PDLIM3: variants seen among roughly 807,000 people sequenced by gnomAD.
PDLIM3 encodes PDZ and LIM domain 3, also known as PDZ and LIM domain protein 3.
A neutral mutation model predicts 37.3 loss-of-function variants in PDLIM3; 36 were observed. The ratio of observed to expected loss-of-function variants is 0.97; its 90% CI spans 0.74 to 1.28. PDLIM3 has a LOEUF of 1.28. Ranked by LOEUF, PDLIM3 falls within the 50% of genes most tolerant of loss-of-function variation. The pLI, the probability that PDLIM3 is intolerant of heterozygous loss-of-function variation, is 0.00. For missense variants in PDLIM3, 454 were observed against 485.0 expected (o/e 0.94, Z 0.60); for synonymous variants, 174 against 182.4 (o/e 0.95, Z 0.37).
chr4:185,529,885 A>G (rs1168627313), intron 1 of PDLIM3, among the ~76,000 whole-genome samples: 2 of 152,190 alleles, frequency 1.3e-5, no homozygotes, highest in African/African-American at 4.8e-5. Context: ...GCCTCGCTCT[A>G]TAGCTCAGAA....
rs185289091 is a variant in PDLIM3, at chr4:185,515,159, C to A, written c.331-822G>T. On this transcript the variant is annotated intron_variant, in intron 3 of 7. Transcript: ENST00000284767. ...ATTTAAACATTGCACCTCTTATCTG[C>A]CCCTGACTTCTTCATCTATAGCTTT... 4.6e-3 allele frequency: 1,106 copies of A among 240,548 alleles called. 8 individuals carry two copies. Among genetic ancestry groups the A allele is most frequent in the African/African-American group, 0.022 (989 of 44,300 alleles). 14.9% of individuals were successfully genotyped at this position (240,548 alleles called of 1,614,324 possible).
chr4:185,513,767 G>T, intron 4 of PDLIM3: 1 of 1,031,258 alleles, frequency 9.7e-7, no homozygotes. Flanking sequence ...TTCCCCTTAG[G>T]TTGGAGTTCA....
In PDLIM3 at chr4:185,514,269, C is replaced by T; in HGVS notation, c.398+1G>A. ...AACTCCACAGTCTCAGCGCTTATGA[C>T]CTGCTTCGGCCCGGGATCACGAAAG... On this transcript the variant is annotated splice_donor_variant, in intron 4 of 7. Coordinates refer to ENST00000284767, the MANE Select transcript of PDLIM3 (RefSeq NM_014476.6). LOFTEE classifies it high-confidence loss of function. This position sits in a 1 kb window ranked among gnomAD's most constrained non-coding sequence, Gnocchi z 4.0. 1 of 1,614,196 alleles carries T rather than the reference C, an allele frequency of 6.2e-7. No individual in the cohort carries two copies. Among genetic ancestry groups the T allele is most frequent in the Non-Finnish European group, 8.5e-7 (1 of 1,180,040 alleles).
intron 1 of PDLIM3, among the ~76,000 whole-genome samples, chr4:185,527,739 A>G (rs1412458899): frequency 6.6e-6 from 1 of 152,216 alleles, no homozygotes; most frequent in Non-Finnish European, 1.5e-5. Flanking sequence ...GTCTAAGACT[A>G]GAATAATTTT....
chr4:185,527,530 G>A (rs2095736402), intron 1 of PDLIM3, among the ~76,000 whole-genome samples: 2 of 152,150 alleles, frequency 1.3e-5, no homozygotes, highest in South Asian at 2.1e-4. Flanking sequence ...ATAGAAGCTG[G>A]GTGAAGACAA....
Position 185,523,454 on chromosome 4 carries a change from T to G in PDLIM3, c.246-8A>C. 2 of 1,558,870 alleles carry G rather than the reference T, an allele frequency of 1.3e-6. No individual in the cohort carries two copies. The highest frequency in any genetic ancestry group is 1.1e-5 in the South Asian group (1 of 89,336). ...CATAAGTGAGTTTCTCCCCTGGAAA[T>G]AAAATAAAATTTGTAAACTTCAAAT... On this transcript the variant is annotated splice_region_variant and splice_polypyrimidine_tract_variant and intron_variant, in intron 2 of 7. Coordinates refer to ENST00000284767, the MANE Select transcript of PDLIM3 (RefSeq NM_014476.6).
At position 185,514,841 on chromosome 4, in the gene PDLIM3, A is replaced by G; in HGVS notation, c.331-504T>C. The G allele has an allele frequency of 6.4e-7, 1 of 1,551,730 alleles. No homozygotes were observed. The highest frequency in any genetic ancestry group is 8.7e-7 in the Non-Finnish European group (1 of 1,146,986). On this transcript the variant is annotated intron_variant, in intron 3 of 7. Transcript: ENST00000284767. The surrounding 1 kb of genome is among the most constrained non-coding windows in gnomAD (Gnocchi z 4.0). Reference sequence around the variant, plus strand: ...TTTGTCATCAATGTTTGCAGCTGCAACAAAAGGCTGGGCCCTTCTGTTGTG... The same window carrying G: ...TTTGTCATCAATGTTTGCAGCTGCAGCAAAAGGCTGGGCCCTTCTGTTGTG...
intron 1 of PDLIM3, among the ~76,000 whole-genome samples, chr4:185,529,410 G>A (rs2095739897): frequency 6.6e-6 from 1 of 152,206 alleles, no homozygotes; most frequent in Non-Finnish European, 1.5e-5. Context: ...ACATGGTCCT[G>A]AGATGATGTT....
chr4:185,518,938 G>A (rs940158087), intron 3 of PDLIM3, among the ~76,000 whole-genome samples: 1 of 152,144 alleles, frequency 6.6e-6, no homozygotes, highest in Non-Finnish European at 1.5e-5. Flanking sequence ...GTTTCTGAAA[G>A]CATCTTTCTT....
At chr4:185,532,720 T>C (rs2095746814) in intron 1 of PDLIM3, among the ~76,000 whole-genome samples, 1 of 152,218 alleles carries the variant, frequency 6.6e-6, no homozygotes, top group South Asian at 2.1e-4. Context: ...TTTCACTCTC[T>C]ACAAACAAGT....
intron 1 of PDLIM3, among the ~76,000 whole-genome samples, chr4:185,534,600 TG>T (rs2095750134): frequency 6.6e-6 from 1 of 152,228 alleles, no homozygotes; most frequent in Non-Finnish European, 1.5e-5. Flanking sequence ...AAGTAAAGCT[TG>T]ACTTTGACAT....
rs201775052 is a variant in PDLIM3, at chr4:185,506,532, G to A, written c.783C>T (p.Asp261=). Residue 261 remains aspartate (D), a synonymous_variant, in exon 6 of 8, where the codon GAC becomes GAT. Coordinates refer to ENST00000284767, the MANE Select transcript of PDLIM3 (RefSeq NM_014476.6). The stretch of plus-strand genomic sequence containing the variant: ...TCAGCGGCTGCTCACCAGAGCCATC[G>A]TCCACCATTCCCTGGAGCACTCTGA... ...GSFRVLQGMV[D]DGSDDRPAGT... 11 of 1,613,676 alleles carry A rather than the reference G, an allele frequency of 6.8e-6. No homozygotes were observed. Among genetic ancestry groups the A allele is most frequent in the African/African-American group, 2.7e-5 (2 of 75,038 alleles).
rs141294734 is a variant in PDLIM3 at position 185,508,127 on chromosome 4, T to G, written c.662+172A>C. 0.016 allele frequency among the ~76,000 whole-genome samples: 2,372 copies of G among 152,284 alleles called. 57 individuals carry two copies. Among genetic ancestry groups the G allele is most frequent in the African/African-American group, 0.055 (2,275 of 41,546 alleles). On this transcript the variant is annotated intron_variant, in intron 5 of 7. Coordinates refer to ENST00000284767, the MANE Select transcript of PDLIM3 (RefSeq NM_014476.6). ...AAATCCTTAGTATTTTAAAAAAGCT[T>G]TTCACATAGCTTTCTTTCCAAGCCT...
In PDLIM3 at chr4:185,504,066, T is replaced by C. The variant is rs941595474; in HGVS notation, c.905+409A>G. On this transcript the variant is annotated intron_variant, in intron 7 of 7. Coordinates refer to ENST00000284767, the MANE Select transcript of PDLIM3 (RefSeq NM_014476.6). This position sits in a 1 kb window ranked among gnomAD's most constrained non-coding sequence, Gnocchi z 4.7. ...ATTTTAAGTAACATCCTGTTGCCTG[T>C]ATTTGTTTCCCTGTGTTTATACAGA... Among the ~76,000 whole-genome samples, 2 of 152,084 alleles carry C rather than the reference T, an allele frequency of 1.3e-5. No individual in the cohort carries two copies. The highest frequency in any genetic ancestry group is 2.9e-5 in the Non-Finnish European group (2 of 68,008).
chr4:185,514,635 T>C lies in PDLIM3; in HGVS notation c.331-298A>G. ...AAATAAAACAGCAAGAGCTGGACTTTTGAAAAGAAAAGAAACCATGCTATC... is the reference window on the plus strand; with the variant it reads ...AAATAAAACAGCAAGAGCTGGACTTCTGAAAAGAAAAGAAACCATGCTATC... On this transcript the variant is annotated intron_variant, in intron 3 of 7. Transcript: ENST00000284767. The surrounding 1 kb of genome is among the most constrained non-coding windows in gnomAD (Gnocchi z 4.0). 7.0e-7 allele frequency: 1 copy of C among 1,434,644 alleles called. No homozygotes were observed. Among genetic ancestry groups the C allele is most frequent in the Middle Eastern group, 1.8e-4 (1 of 5,524 alleles). 88.9% of individuals were successfully genotyped at this position (1,434,644 alleles called of 1,614,324 possible). A position where few individuals can be genotyped will look rare whatever the true frequency, so the allele number is the denominator to read the frequency against.
At chr4:185,532,422 A>G (rs2095746248) in intron 1 of PDLIM3, among the ~76,000 whole-genome samples, 1 of 152,236 alleles carries the variant, frequency 6.6e-6, no homozygotes, top group South Asian at 2.1e-4. Flanking sequence ...CGAAAGCTAC[A>G]GTAATCAACC....
chr4:185,506,132 T>C (rs1398549597), intron 6 of PDLIM3, among the ~76,000 whole-genome samples: 1 of 152,130 alleles, frequency 6.6e-6, no homozygotes, highest in Non-Finnish European at 1.5e-5. Flanking sequence ...GCACAGAACA[T>C]GGAACACAGT....
rs377158204 is a variant in PDLIM3, at chr4:185,506,572, C to T, written c.743G>A (p.Arg248His). 28 of 1,613,288 alleles carry T rather than the reference C, an allele frequency of 1.7e-5. No homozygotes were observed. Among genetic ancestry groups the T allele is most frequent in the Middle Eastern group, 1.6e-4 (1 of 6,062 alleles). Residue 248 changes from arginine to histidine, a missense_variant, in exon 6 of 8, where the codon CGC (arginine) becomes CAC (histidine). Physicochemically the swap from Arg to His is conservative, Grantham distance 29 (BLOSUM62 0). Transcript: ENST00000284767. ...GAGCACTCTGAAGGAGCCCGACTGG[C>T]GAGGCTGTGTGGGCTCATTCCGATT... is the stretch of plus-strand genomic sequence containing the variant. ...HDNRNEPTQP[R>H]QSGSFRVLQG...
At position 185,523,861 on chromosome 4, in the gene PDLIM3, G is replaced by A. The variant is rs529097057; in HGVS notation, c.246-415C>T. Among the ~76,000 whole-genome samples, 29 of 151,764 alleles carry A rather than the reference G, an allele frequency of 1.9e-4. No individual in the cohort carries two copies. The South Asian group carries it at 4.0e-3, about 21-fold the overall frequency. The stretch of plus-strand genomic sequence containing the variant: ...ATGAACTCTGGACCTCAAGTGATCC[G>A]CCCAGTTCGGCCTCCCAAAGCGCTA... On this transcript the variant is annotated intron_variant, in intron 2 of 7. Coordinates refer to ENST00000284767, the MANE Select transcript of PDLIM3 (RefSeq NM_014476.6).
Sources: allele counts gnomAD v4.1 joint callset (sites outside exome capture counted in the v4.1 genomes callset), GRCh38; gene constraint gnomAD v4.1.1; non-coding constraint Gnocchi (gnomAD v3.1); transcripts MANE v1.5; gene names NCBI Gene and HGNC (gene_info 2026-07-23, HGNC 2026-07-21).